Variants in OPCML observed in about 807,000 individuals in gnomAD.
The protein encoded by OPCML is opioid binding protein/cell adhesion molecule like, also known as opioid-binding protein/cell adhesion molecule.
OPCML carries 13 observed loss-of-function variants against 37.8 expected under a neutral mutation model. The observed-to-expected ratio is 0.34, with a 90% CI of 0.22 to 0.55. The LOEUF is 0.55. Among genes scored for constraint, OPCML ranks in the 20% least tolerant of loss-of-function variants. OPCML has a pLI of 0.91. For missense variants in OPCML, 341 were observed against 435.6 expected (o/e 0.78, Z 1.93); for synonymous variants, 176 against 168.8 (o/e 1.04, Z -0.33).
chr11:132,620,615 T>C (rs1324332332), intron 3 of OPCML, among the ~76,000 whole-genome samples: 2 of 152,142 alleles, frequency 1.3e-5, no homozygotes, highest in Admixed American at 1.3e-4. Flanking sequence ...AAACAGCTGG[T>C]GACTTGGCAG....
chr11:133,492,063 A>C (rs1011605689), intron 1 of OPCML, among the ~76,000 whole-genome samples: 4 of 152,226 alleles, frequency 2.6e-5, no homozygotes. Context: ...GAAGGAACAC[A>C]TGGGAAGCTC....
chr11:132,467,335 C>A (rs896603216), intron 4 of OPCML, among the ~76,000 whole-genome samples: 1 of 152,210 alleles, frequency 6.6e-6, no homozygotes, highest in East Asian at 1.9e-4. Context: ...TTTTTCAATC[C>A]TCCCTCCTCA....
At position 133,307,156 on chromosome 11, in the gene OPCML, T is replaced by C. The variant is rs113394108; in HGVS notation, c.61+225108A>G. Among the ~76,000 whole-genome samples, 117 of 152,192 alleles carry C rather than the reference T, an allele frequency of 7.7e-4. 1 individual carries two copies. The highest frequency in any genetic ancestry group is 2.8e-3 in the African/African-American group (115 of 41,524). On this transcript the variant is annotated intron_variant, in intron 1 of 7. Coordinates refer to ENST00000524381, the MANE Select transcript of OPCML (RefSeq NM_001012393.5). ...CATAGCACTTCACAACATTTATACA[T>C]CCATTTCGAAAGTAAAAGTAAATGA... is the stretch of plus-strand genomic sequence containing the variant.
chr11:133,271,275 C>T (rs1941822216), intron 1 of OPCML, among the ~76,000 whole-genome samples: 1 of 152,096 alleles, frequency 6.6e-6, no homozygotes, highest in African/African-American at 2.4e-5. Context: ...AGTAAACATC[C>T]ACAAAATAAT....
chr11:133,093,365 C>A (rs1385519822), intron 1 of OPCML, among the ~76,000 whole-genome samples: 1 of 151,926 alleles, frequency 6.6e-6, no homozygotes, highest in African/African-American at 2.4e-5. Context: ...CATAGGTATA[C>A]ATGTGCCGTG....
intron 7 of OPCML, among the ~76,000 whole-genome samples, chr11:132,425,962 T>G (rs2095976525): frequency 6.6e-6 from 1 of 152,254 alleles, no homozygotes; most frequent in Non-Finnish European, 1.5e-5. Flanking sequence ...TTAAATATTT[T>G]CAGGGATAAA....
chr11:133,010,108 T>A (rs1040523415), intron 1 of OPCML, among the ~76,000 whole-genome samples: 33 of 152,310 alleles, frequency 2.2e-4, no homozygotes, highest in African/African-American at 7.9e-4. Flanking sequence ...TACTGTCCTG[T>A]CCACTCTTCA....
At chr11:133,302,110 C>G (rs1398635538) in intron 1 of OPCML, 1 of 152,124 alleles carries the variant, frequency 6.6e-6, no homozygotes, top group African/African-American at 2.4e-5. Context: ...AAGGAAGAGT[C>G]CATTGTGAGC....
intron 2 of OPCML, among the ~76,000 whole-genome samples, chr11:132,920,934 C>G (rs935389208): frequency 1.3e-5 from 2 of 152,168 alleles, no homozygotes; most frequent in Admixed American, 6.5e-5. Flanking sequence ...TCCAGCCAGT[C>G]CCTTCCTGCA....
intron 1 of OPCML, chr11:133,004,405 A>G (rs1451416023): frequency 1.0e-6 from 1 of 985,334 alleles, no homozygotes; most frequent in African/African-American, 1.7e-5. Flanking sequence ...AATCGTGTCT[A>G]TCATCTGGCA....
chr11:133,045,653 C>T (rs1426821065), intron 1 of OPCML, among the ~76,000 whole-genome samples: 2 of 152,222 alleles, frequency 1.3e-5, no homozygotes, highest in African/African-American at 2.4e-5. Flanking sequence ...TCTTCCCTCT[C>T]CCAATCAGGA....
At chr11:132,961,774 G>T (rs1468945667) in intron 1 of OPCML, among the ~76,000 whole-genome samples, 1 of 152,140 alleles carries the variant, frequency 6.6e-6, no homozygotes, top group African/African-American at 2.4e-5. Flanking sequence ...TGGACCACTG[G>T]CCTTTCTAGG....
At chr11:132,715,062 C>T (rs540857199) in intron 2 of OPCML, among the ~76,000 whole-genome samples, 32 of 152,302 alleles carry the variant, frequency 2.1e-4, no homozygotes, top group Admixed American at 4.6e-4. Flanking sequence ...GGAGGGCAGG[C>T]AGCTCTCAGA....
intron 2 of OPCML, among the ~76,000 whole-genome samples, chr11:132,807,247 C>T (rs185529188): frequency 5.8e-4 from 88 of 151,996 alleles, no homozygotes; most frequent in African/African-American, 1.9e-3. Flanking sequence ...TTTGGAAATA[C>T]GAATACAATT....
At chr11:132,536,367 T>C (rs1316157798) in intron 3 of OPCML, among the ~76,000 whole-genome samples, 1 of 152,220 alleles carries the variant, frequency 6.6e-6, no homozygotes. Context: ...ATTTTTTTCC[T>C]ACTATTTTCT....
intron 4 of OPCML, among the ~76,000 whole-genome samples, chr11:132,527,423 C>G (rs1027007601): frequency 2.0e-5 from 3 of 152,036 alleles, no homozygotes; most frequent in Non-Finnish European, 4.4e-5. Flanking sequence ...TTTTAGTCTT[C>G]CTAGGGATTA....
intron 1 of OPCML, among the ~76,000 whole-genome samples, chr11:133,063,587 G>A (rs1371642175): frequency 6.7e-6 from 1 of 149,616 alleles, no homozygotes; most frequent in Non-Finnish European, 1.5e-5. Flanking sequence ...TTCGGAGGGA[G>A]TTTTGCTCTT....
At position 133,257,939 on chromosome 11, in the gene OPCML, A is replaced by G. The variant is rs75038761; in HGVS notation, c.61+274325T>C. On this transcript the variant is annotated intron_variant, in intron 1 of 7. Transcript: ENST00000524381. The stretch of plus-strand genomic sequence containing the variant: ...GAAAATACAAAGTCAAGACCATTAA[A>G]TCTATCGATGACTGGAAAACCTTAT... Among the ~76,000 whole-genome samples the G allele has an allele frequency of 2.0e-4, 30 of 152,136 alleles. 2 individuals carry two copies. In the East Asian group the frequency reaches 5.6e-3, roughly 28 times the overall value.
chr11:132,935,255 A>G (rs1453070355), intron 2 of OPCML, among the ~76,000 whole-genome samples: 2 of 152,184 alleles, frequency 1.3e-5, no homozygotes, highest in African/African-American at 2.4e-5. Context: ...AAATGTTTCC[A>G]TATTATCTTC....
Sources: gnomAD v4.1 joint callset for allele counts (sites outside exome capture counted in the v4.1 genomes callset) on GRCh38, gnomAD v4.1.1 for gene constraint, MANE v1.5 for transcripts, NCBI Gene and HGNC (gene_info 2026-07-23, HGNC 2026-07-21) for gene names.